The following NAALADL2 variants were observed in gnomAD, a reference collection of about 807,000 sequenced individuals.
The protein encoded by NAALADL2 is N-acetylated alpha-linked acidic dipeptidase like 2.
A neutral mutation model predicts 87.2 loss-of-function variants in NAALADL2; 76 were observed. The observed-to-expected ratio is 0.87, with a 90% CI of 0.72 to 1.05. The LOEUF (loss-of-function observed/expected upper bound fraction) is 1.05. Among genes scored for constraint, NAALADL2 ranks in the 50% least tolerant of loss-of-function variants. The pLI is 0.00. For synonymous variants in NAALADL2, 354 were observed against 331.0 expected, an observed-to-expected ratio of 1.07 and a Z score of -0.75; for missense variants, 1,089 against 945.8, an observed-to-expected ratio of 1.15 and a Z score of -1.99.
chr3:174,532,854 T>C (rs1721367615), intron 1 of NAALADL2, among the ~76,000 whole-genome samples: 1 of 152,102 alleles, frequency 6.6e-6, no homozygotes, highest in Non-Finnish European at 1.5e-5. Context: ...TGGAGGGTCA[T>C]GGCTGTGGGA....
rs145261380 is a variant in NAALADL2 at position 174,930,832 on chromosome 3, C to T, written c.43+71382C>T. On this transcript the variant is annotated intron_variant, in intron 1 of 13. Coordinates refer to ENST00000454872, the MANE Select transcript of NAALADL2 (RefSeq NM_207015.3). ...AGAGACGGGGTTTCATCGTGTTAGC[C>T]GGGATGGTCTCCTTCTTCTGACCTT... is the stretch of plus-strand genomic sequence containing the variant. Among the ~76,000 whole-genome samples the T allele has an allele frequency of 4.8e-3, 724 of 151,662 alleles. 3 individuals carry two copies. Among genetic ancestry groups the T allele is most frequent in the Non-Finnish European group, 8.1e-3 (549 of 67,928 alleles).
At chr3:174,834,097 G>T (rs182228970) in intron 3 of NAALADL2, among the ~76,000 whole-genome samples, 1 of 147,532 alleles carries the variant, frequency 6.8e-6, no homozygotes, top group Non-Finnish European at 1.5e-5. Flanking sequence ...TTGAAAAGAA[G>T]CAAACTGTGA....
intron 2 of NAALADL2, among the ~76,000 whole-genome samples, chr3:174,654,027 T>C (rs931688933): frequency 7.9e-5 from 12 of 151,782 alleles, no homozygotes; most frequent in African/African-American, 2.7e-4. Context: ...CTTCTTCTCT[T>C]GGTTTGTCAT....
At chr3:175,671,599 G>A (rs73881345) in intron 11 of NAALADL2, among the ~76,000 whole-genome samples, 8,417 of 151,986 alleles carry the variant, frequency 0.055, 773 homozygotes, top group African/African-American at 0.19. Flanking sequence ...GATGATTTGT[G>A]TCTCAATTTT....
At chr3:175,625,439 C>G (rs370822541) in intron 10 of NAALADL2, among the ~76,000 whole-genome samples, 15 of 151,828 alleles carry the variant, frequency 9.9e-5, no homozygotes, top group African/African-American at 3.6e-4. Context: ...TATTGCAATG[C>G]GAGAAGTGCA....
chr3:175,174,836 G>GTACA (rs1735459816), intron 2 of NAALADL2, among the ~76,000 whole-genome samples: 1 of 80,530 alleles, frequency 1.2e-5, no homozygotes, highest in African/African-American at 3.2e-5. Context: ...ACACACACAT[G>GTACA]CACACAGACA....
At chr3:174,593,192 TTAACTC>T (rs1560078064) in intron 2 of NAALADL2, among the ~76,000 whole-genome samples, 1 of 152,202 alleles carries the variant, frequency 6.6e-6, no homozygotes, top group Non-Finnish European at 1.5e-5. Flanking sequence ...ATGAATTAGT[TTAACTC>T]TAAATTGCTA....
chr3:174,987,109 C>G (rs951469839), intron 1 of NAALADL2, among the ~76,000 whole-genome samples: 1 of 152,084 alleles, frequency 6.6e-6, no homozygotes, highest in Non-Finnish European at 1.5e-5. Flanking sequence ...TAAATCCATT[C>G]ATTAATGGTC....
At chr3:175,721,662 A>G (rs188104273) in intron 11 of NAALADL2, among the ~76,000 whole-genome samples, 127 of 152,256 alleles carry the variant, frequency 8.3e-4, no homozygotes, top group Non-Finnish European at 1.5e-3. Flanking sequence ...TGATCGAGCT[A>G]TAGGAAGAAA....
chr3:174,721,147 C>T (rs760344928), intron 2 of NAALADL2, among the ~76,000 whole-genome samples: 34 of 151,856 alleles, frequency 2.2e-4, no homozygotes, highest in Admixed American at 1.8e-3. Context: ...ATTATGAATT[C>T]AATATTTATG....
chr3:175,360,374 T>C (rs1253810577), intron 5 of NAALADL2, among the ~76,000 whole-genome samples: 8 of 152,148 alleles, frequency 5.3e-5, no homozygotes, highest in Non-Finnish European at 1.2e-4. Flanking sequence ...TCCATTCTTT[T>C]AAGCTGAAGA....
intron 9 of NAALADL2, among the ~76,000 whole-genome samples, chr3:175,482,350 GTTAGC>G (rs1260819570): frequency 6.6e-6 from 1 of 151,840 alleles, no homozygotes; most frequent in Non-Finnish European, 1.5e-5. Flanking sequence ...CACATAAATT[GTTAGC>G]TTCAAATATG....
chr3:175,139,462 A>T (rs1729657129), intron 2 of NAALADL2, among the ~76,000 whole-genome samples: 1 of 152,140 alleles, frequency 6.6e-6, no homozygotes, highest in South Asian at 2.1e-4. Context: ...AAGGGACAAT[A>T]CATTTCTAAG....
chr3:174,672,506 T>G (rs1258521829), intron 2 of NAALADL2, among the ~76,000 whole-genome samples: 1 of 152,004 alleles, frequency 6.6e-6, no homozygotes, highest in Non-Finnish European at 1.5e-5. Flanking sequence ...GCAAGATAAG[T>G]AAATAAATTA....
At chr3:175,147,750 A>G (rs545478687) in intron 2 of NAALADL2, among the ~76,000 whole-genome samples, 3 of 152,230 alleles carry the variant, frequency 2.0e-5, no homozygotes, top group African/African-American at 4.8e-5. Context: ...CCTCGTCAGC[A>G]TCTGTTGTTT....
intron 1 of NAALADL2, among the ~76,000 whole-genome samples, chr3:174,524,694 C>A (rs1275608527): frequency 1.4e-5 from 2 of 147,190 alleles, no homozygotes; most frequent in African/African-American, 5.1e-5. Context: ...ACCACAGGTA[C>A]CTGCCACCAT....
chr3:175,689,489 T>C (rs1736756110), intron 11 of NAALADL2, among the ~76,000 whole-genome samples: 1 of 152,094 alleles, frequency 6.6e-6, no homozygotes, highest in Admixed American at 6.6e-5. Context: ...TGAAAGATAA[T>C]AGATTGAGTT....
intron 11 of NAALADL2, among the ~76,000 whole-genome samples, chr3:175,669,120 CATA>C (rs1264184573): frequency 6.6e-6 from 1 of 151,986 alleles, no homozygotes; most frequent in Non-Finnish European, 1.5e-5. Flanking sequence ...CATATATTCC[CATA>C]ATACTATTCT....
Position 175,593,111 on chromosome 3 carries a change from C to G in NAALADL2, c.1800+16924C>G, listed in dbSNP as rs139321888. Among the ~76,000 whole-genome samples, 645 of 152,084 alleles carry G rather than the reference C, an allele frequency of 4.2e-3. 7 individuals are homozygous for G. Among genetic ancestry groups the G allele is most frequent in the Middle Eastern group, 0.017 (5 of 294 alleles). ...TTTGCTGCACCAATCAACCCATCAC[C>G]TAGGTATTAAGCTCCGTATGCATTA... On this transcript the variant is annotated intron_variant, in intron 10 of 13. Coordinates refer to ENST00000454872, the MANE Select transcript of NAALADL2 (RefSeq NM_207015.3).
Sources: allele counts gnomAD v4.1 joint callset (sites outside exome capture counted in the v4.1 genomes callset), GRCh38; gene constraint gnomAD v4.1.1; transcripts MANE v1.5; gene names NCBI Gene and HGNC (gene_info 2026-07-23, HGNC 2026-07-21).